The following SLCO1A2 variants were observed in gnomAD, a reference collection of about 807,000 sequenced individuals.
The protein encoded by SLCO1A2 is solute carrier organic anion transporter family member 1A2, also known as OATP-1.
A neutral mutation model predicts 69.0 loss-of-function variants in SLCO1A2; 67 were observed. The ratio of observed to expected loss-of-function variants is 0.97; its 90% confidence interval spans 0.80 to 1.19. The LOEUF is 1.19. Among genes scored for constraint, SLCO1A2 ranks in the 50% most tolerant of loss-of-function variants. SLCO1A2 has a pLI of 0.00. For missense variants in SLCO1A2, 787 were observed against 793.7 expected (o/e 0.99, Z 0.10); for synonymous variants, 260 against 265.9 (o/e 0.98, Z 0.22).
chr12:21,385,866 C>A (rs990240241), intron 1 of SLCO1A2, among the ~76,000 whole-genome samples: 1 of 152,146 alleles, frequency 6.6e-6, no homozygotes, highest in African/African-American at 2.4e-5. Flanking sequence ...TTGATCCTTA[C>A]GAGGTGCTTA....
intron 1 of SLCO1A2, among the ~76,000 whole-genome samples, chr12:21,375,081 A>C (rs1940092846): frequency 1.3e-5 from 2 of 152,152 alleles, no homozygotes; most frequent in African/African-American, 4.8e-5. Context: ...GTCTTCCAAA[A>C]TTCTGGGATT....
chr12:21,289,052 A>T (rs1219010569), intron 12 of SLCO1A2, among the ~76,000 whole-genome samples: 1 of 151,940 alleles, frequency 6.6e-6, no homozygotes, highest in African/African-American at 2.4e-5. Flanking sequence ...AAATATATTT[A>T]AAATCAATAC....
At chr12:21,413,349 C>A (rs1356819612) in intron 1 of SLCO1A2, among the ~76,000 whole-genome samples, 6 of 144,794 alleles carry the variant, frequency 4.1e-5, no homozygotes, top group Non-Finnish European at 4.5e-5. Context: ...TCAAGTAATT[C>A]TCCTGCCTCA....
chr12:21,319,711 C>T (rs925467974), intron 2 of SLCO1A2: 7 of 278,558 alleles, frequency 2.5e-5, no homozygotes, highest in Admixed American at 8.8e-5. Context: ...AATATATATA[C>T]TATAAATTTC....
chr12:21,342,740 G>C (rs922430383), intron 2 of SLCO1A2, among the ~76,000 whole-genome samples: 1 of 151,940 alleles, frequency 6.6e-6, no homozygotes, highest in Non-Finnish European at 1.5e-5. Flanking sequence ...AAACATTTTA[G>C]ATAGAATCAT....
At chr12:21,275,188 T>A (rs1159153332) in intron 13 of SLCO1A2, 172 bp downstream of exon 13, 5 of 764,176 alleles carry the variant, frequency 6.5e-6, no homozygotes, top group African/African-American at 1.8e-5. Flanking sequence ...ATTAGGAGAT[T>A]CACCTAATGT....
At chr12:21,387,170 G>A (rs933950569) in intron 1 of SLCO1A2, among the ~76,000 whole-genome samples, 1 of 152,188 alleles carries the variant, frequency 6.6e-6, no homozygotes, top group African/African-American at 2.4e-5. Flanking sequence ...AGATGACAGA[G>A]CATAAAAGTT....
chr12:21,358,706 A>G (rs2137037378), intron 2 of SLCO1A2, among the ~76,000 whole-genome samples: 1 of 152,012 alleles, frequency 6.6e-6, no homozygotes, highest in South Asian at 2.1e-4. Flanking sequence ...CAATAAATGA[A>G]CAATATTGAA....
chr12:21,395,710 TGACCC>T, upstream of SLCO1A2, among the ~76,000 whole-genome samples: 2 of 152,154 alleles, frequency 1.3e-5, no homozygotes, highest in Non-Finnish European at 2.9e-5. Context: ...AGTGGGTCCC[TGACCC>T]CTGACCCCCG....
At chr12:21,297,267 C>T in intron 9 of SLCO1A2, 137 bp downstream of exon 9, 3 of 440,504 alleles carry the variant, frequency 6.8e-6, no homozygotes, top group Non-Finnish European at 1.2e-5. Flanking sequence ...TTCTTTCTTT[C>T]TTGAGATTAG....
intron 1 of SLCO1A2, among the ~76,000 whole-genome samples, chr12:21,382,085 C>A (rs528291605): frequency 6.6e-6 from 1 of 152,288 alleles, no homozygotes; most frequent in African/African-American, 2.4e-5. Flanking sequence ...CCTAAGTGCC[C>A]ATCAACTAAT....
intron 12 of SLCO1A2, 62 bp from the exon 13 acceptor site, chr12:21,275,486 T>A (rs570396571): frequency 6.1e-6 from 8 of 1,315,970 alleles, no homozygotes; most frequent in Non-Finnish European, 7.9e-6. Flanking sequence ...TCATATTGTC[T>A]TGAAAAGGCC....
chr12:21,275,454 G>T, intron 12 of SLCO1A2, 30 bp from the exon 13 acceptor site: 1 of 1,410,168 alleles, frequency 7.1e-7, no homozygotes, highest in Non-Finnish European at 9.4e-7. Flanking sequence ...GTAAATAAAA[G>T]AAAAATAAAG....
In SLCO1A2 at chr12:21,318,900, A is replaced by G. The variant is rs1474315992; in HGVS notation, c.84T>C (p.Cys28=). The G allele has an allele frequency of 6.3e-7, 1 of 1,595,274 alleles. No individual in the cohort carries two copies. Among genetic ancestry groups the G allele is most frequent in the African/African-American group, 1.4e-5 (1 of 74,000 alleles). ...CAGACAGTGTTTTGGATACAAATGC[A>G]CATGTTATTGCCAACAGAAACATCT... ...KLKMFLLAIT[C]AFVSKTLSGS... The change falls in exon 3 of 15, where the codon TGT becomes TGC. Residue 28 remains cysteine, a synonymous_variant. Coordinates refer to ENST00000683939, the MANE Select transcript of SLCO1A2 (RefSeq NM_001386879.1).
intron 2 of SLCO1A2, among the ~76,000 whole-genome samples, chr12:21,366,865 T>A (rs564643254): frequency 4.0e-5 from 6 of 151,840 alleles, no homozygotes; most frequent in Admixed American, 2.0e-4. Flanking sequence ...ATAGTGAAAA[T>A]ATATATAAAC....
At chr12:21,361,956 GT>G (rs1485433250) in intron 2 of SLCO1A2, among the ~76,000 whole-genome samples, 40 of 152,182 alleles carry the variant, frequency 2.6e-4, no homozygotes, top group Admixed American at 9.2e-4. Context: ...ATGGAACCAA[GT>G]TGGAAAACAC....
intron 1 of SLCO1A2, chr12:21,378,492 C>T: frequency 7.8e-7 from 1 of 1,289,466 alleles, no homozygotes; most frequent in Non-Finnish European, 1.1e-6. Flanking sequence ...TTAACAGTGC[C>T]CTTTTCATCT....
intron 12 of SLCO1A2, among the ~76,000 whole-genome samples, chr12:21,284,324 G>A (rs1020217269): frequency 4.6e-5 from 7 of 152,152 alleles, no homozygotes; most frequent in African/African-American, 1.4e-4. Context: ...TGCAGAAGAC[G>A]GGTGATTTCT....
chr12:21,306,162 C>T (rs946784848), intron 5 of SLCO1A2, among the ~76,000 whole-genome samples: 1 of 152,174 alleles, frequency 6.6e-6, no homozygotes, highest in African/African-American at 2.4e-5. Flanking sequence ...CCTGTTTTCC[C>T]CGCTATTAAA....
Sources: gnomAD v4.1 joint callset for allele counts (sites outside exome capture counted in the v4.1 genomes callset) on GRCh38, gnomAD v4.1.1 for gene constraint, MANE v1.5 for transcripts, NCBI Gene and HGNC (gene_info 2026-07-23, HGNC 2026-07-21) for gene names.